FBXW7: variants seen among roughly 807,000 people sequenced by gnomAD.
FBXW7 encodes F-box and WD repeat domain containing 7, also known as F-box/WD repeat-containing protein 7.
In FBXW7, 11 loss-of-function variants were observed where a neutral mutation model predicts 86.3. The ratio of observed to expected loss-of-function variants is 0.13; its 90% CI spans 0.08 to 0.21. FBXW7 has a LOEUF of 0.21. Ranked by LOEUF, FBXW7 falls within the 10% of genes least tolerant of loss-of-function variation. The pLI is 1.00. For missense variants in FBXW7, 488 were observed against 847.4 expected, an observed-to-expected ratio of 0.58 and a Z score of 5.27; for synonymous variants, 313 against 297.9, an observed-to-expected ratio of 1.05 and a Z score of -0.52.
At chr4:152,372,463 T>C (rs2126741362) in intron 4 of FBXW7, among the ~76,000 whole-genome samples, 1 of 152,128 alleles carries the variant, frequency 6.6e-6, no homozygotes, top group Non-Finnish European at 1.5e-5. Flanking sequence ...CACACATTAG[T>C]GTTTCTCCAG....
intron 2 of FBXW7, among the ~76,000 whole-genome samples, chr4:152,428,724 T>C (rs1309847174): frequency 6.6e-6 from 1 of 152,192 alleles, no homozygotes. Flanking sequence ...TGGAGTTGTG[T>C]TGAGAATTGG....
chr4:152,504,467 T>C (rs1184678185), intron 2 of FBXW7, among the ~76,000 whole-genome samples: 1 of 152,166 alleles, frequency 6.6e-6, no homozygotes, highest in Non-Finnish European at 1.5e-5. Context: ...ATGTCAGTAA[T>C]ACGGAGTTGA....
chr4:152,450,400 A>G (rs1188309559), intron 2 of FBXW7, among the ~76,000 whole-genome samples: 1 of 152,226 alleles, frequency 6.6e-6, no homozygotes, highest in Non-Finnish European at 1.5e-5. Context: ...GAAAGAGCAC[A>G]TTATGTAGAA....
At chr4:152,490,044 T>C (rs971059510) in intron 2 of FBXW7, among the ~76,000 whole-genome samples, 6 of 152,140 alleles carry the variant, frequency 3.9e-5, no homozygotes, top group Non-Finnish European at 8.8e-5. Flanking sequence ...GAATTAACTT[T>C]GAAAATATTA....
intron 2 of FBXW7, among the ~76,000 whole-genome samples, chr4:152,493,071 C>G (rs1378381681): frequency 6.6e-6 from 1 of 151,222 alleles, no homozygotes; most frequent in African/African-American, 2.4e-5. Context: ...TTTTAATAAC[C>G]AAGCAGAAGA....
At chr4:152,495,378 T>C (rs1310968972) in intron 2 of FBXW7, among the ~76,000 whole-genome samples, 2 of 151,732 alleles carry the variant, frequency 1.3e-5, no homozygotes, top group Admixed American at 6.6e-5. Context: ...GAGACAGAGG[T>C]TGCAGTGAGC....
intron 4 of FBXW7, among the ~76,000 whole-genome samples, chr4:152,377,127 A>G (rs1409300095): frequency 6.6e-6 from 1 of 152,094 alleles, no homozygotes; most frequent in African/African-American, 2.4e-5. Context: ...GTTCACAAGA[A>G]AAAAAATGTA....
intron 3 of FBXW7, 90 bp from the exon 4 acceptor site, chr4:152,411,962 T>TA: frequency 8.3e-7 from 1 of 1,211,122 alleles, no homozygotes; most frequent in Non-Finnish European, 1.1e-6. Context: ...TAAATATCAT[T>TA]AATGATTGCA....
chr4:152,518,968 C>T (rs1748758581), intron 2 of FBXW7, among the ~76,000 whole-genome samples: 1 of 152,000 alleles, frequency 6.6e-6, no homozygotes, highest in African/African-American at 2.4e-5. Context: ...TTTTAAATTA[C>T]AAACACCAAA....
intron 4 of FBXW7, among the ~76,000 whole-genome samples, chr4:152,368,902 A>C (rs1253459143): frequency 6.6e-6 from 1 of 152,086 alleles, no homozygotes; most frequent in African/African-American, 2.4e-5. Flanking sequence ...TAATGGGGTT[A>C]ATTTTTACAT....
intron 2 of FBXW7, among the ~76,000 whole-genome samples, chr4:152,436,109 A>G (rs957351515): frequency 1.3e-5 from 2 of 152,230 alleles, no homozygotes; most frequent in Non-Finnish European, 2.9e-5. Context: ...GCCTCTAAGC[A>G]TTCAGGCAAA....
chr4:152,388,142 T>C (rs1246590961), intron 4 of FBXW7, among the ~76,000 whole-genome samples: 2 of 152,186 alleles, frequency 1.3e-5, no homozygotes, highest in African/African-American at 4.8e-5. Flanking sequence ...TAAAAGATAT[T>C]TATTTACATG....
intron 2 of FBXW7, among the ~76,000 whole-genome samples, chr4:152,470,523 C>T (rs1743849273): frequency 1.3e-5 from 2 of 151,966 alleles, no homozygotes; most frequent in Admixed American, 1.3e-4. Flanking sequence ...CATGAGGAAG[C>T]ATTTAAAAAT....
chr4:152,369,247 T>C (rs1182507040), intron 4 of FBXW7, among the ~76,000 whole-genome samples: 1 of 152,140 alleles, frequency 6.6e-6, no homozygotes, highest in African/African-American at 2.4e-5. Context: ...TTTCATTTTA[T>C]CCTTACAACA....
At chr4:152,416,827 A>G (rs867266622) in intron 2 of FBXW7, among the ~76,000 whole-genome samples, 1 of 152,218 alleles carries the variant, frequency 6.6e-6, no homozygotes, top group South Asian at 2.1e-4. Flanking sequence ...TATTTGAATT[A>G]TAATACATAT....
intron 4 of FBXW7, among the ~76,000 whole-genome samples, chr4:152,402,902 C>T (rs896269632): frequency 1.6e-4 from 24 of 152,214 alleles, no homozygotes; most frequent in African/African-American, 4.8e-4. Flanking sequence ...ACATAAATAA[C>T]GTCTAAAACT....
chr4:152,453,076 C>T (rs1453059902), intron 2 of FBXW7, among the ~76,000 whole-genome samples: 5 of 151,882 alleles, frequency 3.3e-5, no homozygotes, highest in African/African-American at 9.7e-5. Flanking sequence ...CCCAGCTACT[C>T]GGGAGGCTGA....
intron 2 of FBXW7, among the ~76,000 whole-genome samples, chr4:152,505,432 A>G (rs1579377773): frequency 6.6e-6 from 1 of 152,312 alleles, no homozygotes; most frequent in East Asian, 1.9e-4. Context: ...GTTTTGTAAT[A>G]ACACTTAGCT....
At chr4:152,373,105 G>C (rs1734147725) in intron 4 of FBXW7, among the ~76,000 whole-genome samples, 1 of 151,946 alleles carries the variant, frequency 6.6e-6, no homozygotes. Context: ...GCCTACTCCA[G>C]ATCCGTTTCC....
Sources: allele counts gnomAD v4.1 joint callset (sites outside exome capture counted in the v4.1 genomes callset), GRCh38; gene constraint gnomAD v4.1.1; transcripts MANE v1.5; gene names NCBI Gene and HGNC (gene_info 2026-07-23, HGNC 2026-07-21).